The following NNT variants were observed in gnomAD, a reference collection of about 807,000 sequenced individuals.
NNT encodes NAD(P) transhydrogenase, mitochondrial.
NNT carries 50 observed loss-of-function variants against 104.8 expected under a neutral mutation model. That is an observed-to-expected ratio of 0.48 (90% CI 0.38 to 0.60). NNT has a LOEUF of 0.60. Among genes scored for constraint, NNT ranks in the 20% least tolerant of loss-of-function variants. The pLI is 0.00. For missense variants in NNT, 1,131 were observed against 1,330.7 expected (o/e 0.85, Z 2.33); for synonymous variants, 461 against 490.4 (o/e 0.94, Z 0.79).
At chr5:43,664,224 A>G (rs1253902871) in intron 17 of NNT, among the ~76,000 whole-genome samples, 3 of 152,248 alleles carry the variant, frequency 2.0e-5, no homozygotes, top group Non-Finnish European at 4.4e-5. Flanking sequence ...AATATCATAT[A>G]GACATTAACC....
chr5:43,695,343 T>A (rs2112220783), intron 19 of NNT, among the ~76,000 whole-genome samples: 1 of 152,322 alleles, frequency 6.6e-6, no homozygotes, highest in South Asian at 2.1e-4. Context: ...TGCCAACAGT[T>A]CTTGTGAAAA....
At chr5:43,650,228 A>G (rs1739683144) in intron 11 of NNT, among the ~76,000 whole-genome samples, 1 of 152,246 alleles carries the variant, frequency 6.6e-6, no homozygotes, top group South Asian at 2.1e-4. Context: ...ATGCAGAAGG[A>G]GAAAAAGTTT....
chr5:43,627,014 A>G (rs1385798371), intron 6 of NNT, among the ~76,000 whole-genome samples: 4 of 152,218 alleles, frequency 2.6e-5, no homozygotes, highest in African/African-American at 9.6e-5. Context: ...GGCTTAAACC[A>G]TTAGAAAATG....
At chr5:43,629,178 T>C (rs1317361047) in intron 7 of NNT, among the ~76,000 whole-genome samples, 1 of 151,862 alleles carries the variant, frequency 6.6e-6, no homozygotes, top group African/African-American at 2.4e-5. Flanking sequence ...AACCCCTGAG[T>C]CCCCAAAGCC....
chr5:43,657,270 A>C (rs1375949286), intron 16 of NNT, among the ~76,000 whole-genome samples: 2 of 152,266 alleles, frequency 1.3e-5, no homozygotes, highest in Non-Finnish European at 2.9e-5. Flanking sequence ...AATGCAGTTA[A>C]AAAACCCTGT....
At chr5:43,679,028 TGA>T (rs1741568465) in intron 19 of NNT, among the ~76,000 whole-genome samples, 1 of 152,184 alleles carries the variant, frequency 6.6e-6, no homozygotes, top group South Asian at 2.1e-4. Context: ...TCATGTTTAT[TGA>T]GAGTCTTAGA....
chr5:43,694,198 C>A (rs986017613), intron 19 of NNT, among the ~76,000 whole-genome samples: 1 of 152,164 alleles, frequency 6.6e-6, no homozygotes. Flanking sequence ...GTGGGGTTTG[C>A]TAGATATAAA....
chr5:43,636,131 T>C (rs1750917745), intron 7 of NNT, among the ~76,000 whole-genome samples: 2 of 152,194 alleles, frequency 1.3e-5, no homozygotes, highest in Admixed American at 6.5e-5. Flanking sequence ...ATCTCTGAAA[T>C]GTGGATAAAA....
intron 17 of NNT, among the ~76,000 whole-genome samples, chr5:43,672,259 C>T (rs928391772): frequency 2.0e-5 from 3 of 152,174 alleles, no homozygotes; most frequent in East Asian, 3.9e-4. Flanking sequence ...GAAGTTGGAT[C>T]GTCTGAAGCC....
At chr5:43,616,851 T>A (rs1381559478) in intron 4 of NNT, among the ~76,000 whole-genome samples, 2 of 152,136 alleles carry the variant, frequency 1.3e-5, no homozygotes, top group African/African-American at 2.4e-5. Flanking sequence ...TGAATCAACT[T>A]CTCTAAGAAA....
intron 17 of NNT, 101 bp downstream of exon 17, chr5:43,659,451 C>T: frequency 9.4e-7 from 1 of 1,060,520 alleles, no homozygotes; most frequent in Non-Finnish European, 1.3e-6. Context: ...ATATTGTAGG[C>T]TGGGCATGGT....
chr5:43,699,922 TA>T (rs1561333880), intron 19 of NNT, among the ~76,000 whole-genome samples, 196 bp from the exon 20 acceptor site: 2 of 152,246 alleles, frequency 1.3e-5, no homozygotes, highest in African/African-American at 4.8e-5. Flanking sequence ...CACACTAAAA[TA>T]CTGAAACTTC....
At chr5:43,667,335 A>ATATG (rs916815333) in intron 17 of NNT, 1 of 564,766 alleles carries the variant, frequency 1.8e-6, no homozygotes, top group Non-Finnish European at 3.1e-6. Context: ...GGTTTGTTAC[A>ATATG]TATGTATACA....
Position 43,706,238 on chromosome 5 carries a change from C to A in NNT, c.*1834C>A, listed in dbSNP as rs1743090965. On this transcript the variant is annotated 3_prime_UTR_variant, in exon 22 of 22. Coordinates refer to ENST00000344920, the MANE Select transcript of NNT (RefSeq NM_182977.3). ...TAAAGGATTTTTGTATATATAATTT[C>A]TTAAATTAATATTCCAAAAGGTTAG... 1 of 151,052 alleles carries A rather than the reference C, an allele frequency of 6.6e-6. No individual in the cohort carries two copies. Among genetic ancestry groups the A allele is most frequent in the South Asian group, 2.1e-4 (1 of 4,812 alleles). The allele number at this position is 151,052 out of a possible 1,614,324, so 9.4% of individuals were successfully genotyped here.
intron 10 of NNT, among the ~76,000 whole-genome samples, chr5:43,648,743 G>T (rs1457892606): frequency 6.6e-6 from 1 of 152,188 alleles, no homozygotes; most frequent in Non-Finnish European, 1.5e-5. Context: ...TATAAAGGTT[G>T]TGTCTTGCCC....
intron 1 of NNT, among the ~76,000 whole-genome samples, chr5:43,605,214 G>A (rs1374804200): frequency 2.6e-5 from 4 of 152,164 alleles, no homozygotes; most frequent in African/African-American, 9.7e-5. Flanking sequence ...TGAAAGCAAT[G>A]CTTAAAAAGT....
chr5:43,644,604 C>T lies in NNT; in HGVS notation c.1099-7C>T. The T allele has an allele frequency of 1.3e-6, 2 of 1,597,142 alleles. No homozygotes were observed. Among genetic ancestry groups the T allele is most frequent in the East Asian group, 2.2e-5 (1 of 44,690 alleles). On this transcript the variant is annotated splice_region_variant and splice_polypyrimidine_tract_variant and intron_variant, in intron 8 of 21. Coordinates refer to ENST00000344920, the MANE Select transcript of NNT (RefSeq NM_182977.3). The stretch of plus-strand genomic sequence containing the variant: ...AGACCTTTTTGACTATAATTTTGTT[C>T]ATTTAGGGAATTACTCACATAGGCT...
chr5:43,630,246 T>A (rs571112094), intron 7 of NNT, among the ~76,000 whole-genome samples: 5 of 152,206 alleles, frequency 3.3e-5, no homozygotes, highest in Non-Finnish European at 7.4e-5. Flanking sequence ...ATTATATTCA[T>A]AAGCAGGTTC....
At chr5:43,679,809 A>G (rs1331602514) in intron 19 of NNT, among the ~76,000 whole-genome samples, 1 of 152,048 alleles carries the variant, frequency 6.6e-6, no homozygotes, top group Non-Finnish European at 1.5e-5. Flanking sequence ...TGTGAATAGG[A>G]CCAAAGCCTT....
Sources: allele counts gnomAD v4.1 joint callset (sites outside exome capture counted in the v4.1 genomes callset), GRCh38; gene constraint gnomAD v4.1.1; transcripts MANE v1.5; gene names NCBI Gene and HGNC (gene_info 2026-07-23, HGNC 2026-07-21).